The following KCNQ3 variants were observed in gnomAD, a reference collection of about 807,000 sequenced individuals.
The protein encoded by KCNQ3 is potassium voltage-gated channel subfamily KQT member 3.
Under a neutral mutation model 92.5 loss-of-function variants are expected in KCNQ3, and 30 were observed. That is an observed-to-expected ratio of 0.32 (90% confidence interval 0.24 to 0.44). KCNQ3 has a LOEUF of 0.44. Among genes scored for constraint, KCNQ3 ranks in the 20% least tolerant of loss-of-function variants. The pLI, the probability that KCNQ3 is intolerant of heterozygous loss-of-function variation, is 1.00. For missense variants in KCNQ3, 913 were observed against 1,140.3 expected (o/e 0.80, Z 2.87); for synonymous variants, 450 against 468.8 (o/e 0.96, Z 0.52).
chr8:132,382,161 G>A (rs1819768641), intron 1 of KCNQ3, among the ~76,000 whole-genome samples: 1 of 152,188 alleles, frequency 6.6e-6, no homozygotes, highest in African/African-American at 2.4e-5. Flanking sequence ...AAAATAATTT[G>A]CATGCTGACA....
At chr8:132,477,911 C>T (rs1265089571) in intron 1 of KCNQ3, among the ~76,000 whole-genome samples, 2 of 152,180 alleles carry the variant, frequency 1.3e-5, no homozygotes, top group Admixed American at 1.3e-4. Flanking sequence ...ACAGAGTGAA[C>T]CCACTGCATT....
At chr8:132,235,385 C>A (rs534223268) in intron 1 of KCNQ3, among the ~76,000 whole-genome samples, 1 of 152,204 alleles carries the variant, frequency 6.6e-6, no homozygotes, top group South Asian at 2.1e-4. Context: ...TGCCTGTAAC[C>A]CCAACTACTT....
At chr8:132,234,534 A>C (rs1369519087) in intron 1 of KCNQ3, among the ~76,000 whole-genome samples, 5 of 151,992 alleles carry the variant, frequency 3.3e-5, no homozygotes, top group Non-Finnish European at 7.4e-5. Context: ...TTCAACCTGA[A>C]AAATCTCAAA....
At chr8:132,287,474 C>A (rs1398767434) in intron 1 of KCNQ3, among the ~76,000 whole-genome samples, 2 of 152,146 alleles carry the variant, frequency 1.3e-5, no homozygotes, top group Non-Finnish European at 2.9e-5. Context: ...CACAAATATT[C>A]ACAAAAGTAC....
At chr8:132,431,520 C>A (rs1446037139) in intron 1 of KCNQ3, among the ~76,000 whole-genome samples, 1 of 152,194 alleles carries the variant, frequency 6.6e-6, no homozygotes, top group African/African-American at 2.4e-5. Flanking sequence ...CAGAGCTCAG[C>A]GGGAGTCTAT....
rs1814953701 is a variant in KCNQ3 at position 132,240,349 on chromosome 8, G to A, written c.387-54168C>T. 2.0e-5 allele frequency among the ~76,000 whole-genome samples: 3 copies of A among 152,224 alleles called. No homozygotes were observed. In the South Asian group the frequency reaches 6.2e-4, roughly 32 times the overall value. On this transcript the variant is annotated intron_variant, in intron 1 of 14. Transcript: ENST00000388996. Reference sequence around the variant, plus strand: ...TTACAGGCATGCGCCACCATGCCCAGCTAACTTTGTATTTTTAGTAGAGAC... The same window carrying A: ...TTACAGGCATGCGCCACCATGCCCAACTAACTTTGTATTTTTAGTAGAGAC...
At chr8:132,381,945 C>G (rs1044611951) in intron 1 of KCNQ3, among the ~76,000 whole-genome samples, 3 of 152,224 alleles carry the variant, frequency 2.0e-5, no homozygotes, top group Non-Finnish European at 4.4e-5. Context: ...CTGGGCTGGT[C>G]AGCCAAATCC....
chr8:132,304,763 A>T (rs1458963795), intron 1 of KCNQ3, among the ~76,000 whole-genome samples: 8 of 152,142 alleles, frequency 5.3e-5, no homozygotes, highest in African/African-American at 1.9e-4. Context: ...GTCACCTTGC[A>T]TATTGTTTAG....
intron 1 of KCNQ3, among the ~76,000 whole-genome samples, chr8:132,359,440 C>A (rs534809055): frequency 6.6e-6 from 1 of 152,242 alleles, no homozygotes; most frequent in African/African-American, 2.4e-5. Flanking sequence ...GCTGGGTGCT[C>A]CAGGGAAGGG....
At chr8:132,214,199 G>A (rs1255483605) in intron 1 of KCNQ3, among the ~76,000 whole-genome samples, 1 of 152,126 alleles carries the variant, frequency 6.6e-6, no homozygotes, top group African/African-American at 2.4e-5. Flanking sequence ...CCTGGTAACT[G>A]AATAATTTCC....
In KCNQ3 at chr8:132,303,565, G is replaced by GATATATATATATAT. The variant is rs781058299; in HGVS notation, c.387-117398_387-117385dup. 3.5e-3 allele frequency among the ~76,000 whole-genome samples: 149 copies of GATATATATATATAT among 42,570 alleles called. 43 individuals carry two copies. The East Asian group carries it at 0.072, about 21-fold the overall frequency. 27.9% of individuals were successfully genotyped at this position (42,570 alleles called of 152,430 possible). A position where few individuals can be genotyped will look rare whatever the true frequency, so the allele number is the denominator to read the frequency against. ...ACTTGTGATCAGATAAAGAAAATGT[G>GATATATATATATAT]ATATATATATATATGGTGTGTGTGT... On this transcript the variant is annotated intron_variant, in intron 1 of 14. Coordinates refer to ENST00000388996, the MANE Select transcript of KCNQ3 (RefSeq NM_004519.4).
intron 1 of KCNQ3, among the ~76,000 whole-genome samples, chr8:132,245,632 A>G (rs1364413861): frequency 2.0e-5 from 3 of 152,148 alleles, no homozygotes; most frequent in African/African-American, 7.2e-5. Context: ...TTAACCACCA[A>G]GTTGACACAG....
At chr8:132,319,330 T>C (rs939810550) in intron 1 of KCNQ3, among the ~76,000 whole-genome samples, 8 of 152,188 alleles carry the variant, frequency 5.3e-5, no homozygotes, top group African/African-American at 1.9e-4. Flanking sequence ...TCTAATTTTT[T>C]GTATTCCCAC....
At chr8:132,157,508 C>T (rs1431596969) in intron 9 of KCNQ3, among the ~76,000 whole-genome samples, 1 of 152,126 alleles carries the variant, frequency 6.6e-6, no homozygotes, top group Non-Finnish European at 1.5e-5. Flanking sequence ...TGGTCTTTCT[C>T]TCTCTAGCTC....
chr8:132,414,898 AAC>A (rs1820754848), intron 1 of KCNQ3, among the ~76,000 whole-genome samples: 1 of 152,258 alleles, frequency 6.6e-6, no homozygotes, highest in Admixed American at 6.5e-5. Context: ...ATGAACGAGG[AAC>A]AGTGTGTCCG....
At chr8:132,479,509 C>T (rs548414727) in intron 1 of KCNQ3, among the ~76,000 whole-genome samples, 1 of 152,100 alleles carries the variant, frequency 6.6e-6, no homozygotes, top group African/African-American at 2.4e-5. Context: ...CGTTCCCATT[C>T]ACTTCCCTAA....
chr8:132,139,796 C>T (rs997086730), intron 11 of KCNQ3, among the ~76,000 whole-genome samples: 1 of 152,112 alleles, frequency 6.6e-6, no homozygotes, highest in East Asian at 1.9e-4. Context: ...ACAGACAGAG[C>T]AGAACATAGC....
intron 1 of KCNQ3, among the ~76,000 whole-genome samples, chr8:132,256,259 T>G (rs1307045659): frequency 1.3e-5 from 2 of 151,844 alleles, no homozygotes; most frequent in African/African-American, 2.4e-5. Context: ...GCTGGAAGAA[T>G]AAAAATAAGC....
At chr8:132,406,684 G>T (rs1820491600) in intron 1 of KCNQ3, among the ~76,000 whole-genome samples, 1 of 152,104 alleles carries the variant, frequency 6.6e-6, no homozygotes, top group African/African-American at 2.4e-5. Context: ...TCAGTTCTAT[G>T]ACACCATTAA....
Sources: gnomAD v4.1 joint callset for allele counts (sites outside exome capture counted in the v4.1 genomes callset) on GRCh38, gnomAD v4.1.1 for gene constraint, MANE v1.5 for transcripts, NCBI Gene and HGNC (gene_info 2026-07-23, HGNC 2026-07-21) for gene names.